Variants in UBAP1 observed in about 807,000 individuals in gnomAD.
UBAP1 encodes ubiquitin associated protein 1.
UBAP1 carries 5 observed loss-of-function variants against 39.0 expected under a neutral mutation model. The ratio of observed to expected loss-of-function variants is 0.13; its 90% confidence interval spans 0.07 to 0.27. The LOEUF (loss-of-function observed/expected upper bound fraction) is 0.27, where lower values mean the gene tolerates loss of function less well. Ranked by LOEUF, UBAP1 falls within the 10% of genes least tolerant of loss-of-function variation. The pLI, the probability that UBAP1 is intolerant of heterozygous loss-of-function variation, is 1.00. For missense variants in UBAP1, 490 were observed against 608.1 expected (o/e 0.81, Z 2.04); for synonymous variants, 211 against 225.1 (o/e 0.94, Z 0.56).
intron 1 of UBAP1, among the ~76,000 whole-genome samples, chr9:34,205,688 G>A (rs145689568): frequency 1.3e-5 from 2 of 152,138 alleles, no homozygotes; most frequent in African/African-American, 4.8e-5. Context: ...ATTAGCTGCA[G>A]ATCTTAAGAA....
chr9:34,216,215 AACTT>A (rs1832308265), intron 1 of UBAP1, among the ~76,000 whole-genome samples: 2 of 151,928 alleles, frequency 1.3e-5, no homozygotes, highest in South Asian at 2.1e-4. Flanking sequence ...TTTAAAAAAA[AACTT>A]ACTGAGGTGA....
intron 4 of UBAP1, 39 bp downstream of exon 4, chr9:34,242,147 C>G (rs749224725): frequency 2.6e-6 from 4 of 1,526,282 alleles, no homozygotes; most frequent in South Asian, 2.5e-5. Context: ...CCATATTTTC[C>G]TGATGACAGG....
At chr9:34,185,457 G>A (rs1830353958) in intron 1 of UBAP1, among the ~76,000 whole-genome samples, 1 of 152,190 alleles carries the variant, frequency 6.6e-6, no homozygotes, top group African/African-American at 2.4e-5. Context: ...GCTGAGGTAG[G>A]AGGATCACCT....
intron 3 of UBAP1, among the ~76,000 whole-genome samples, chr9:34,235,232 AAAAAG>A (rs1243764904): frequency 1.3e-5 from 2 of 152,214 alleles, no homozygotes; most frequent in Non-Finnish European, 2.9e-5. Context: ...TTATAAAGTT[AAAAAG>A]GCACAGTAAG....
intron 1 of UBAP1, among the ~76,000 whole-genome samples, chr9:34,216,642 A>AGT (rs1832335103): frequency 1.4e-5 from 1 of 70,186 alleles, no homozygotes. Flanking sequence ...CACCATGCTA[A>AGT]TTTTTTTTTT....
At chr9:34,206,973 TAATATCTG>T (rs1050093230) in intron 1 of UBAP1, among the ~76,000 whole-genome samples, 19 of 152,120 alleles carry the variant, frequency 1.2e-4, no homozygotes, top group African/African-American at 4.3e-4. Context: ...TCTAATATTT[TAATATCTG>T]ATAGGCTAGT....
At chr9:34,220,669 A>G (rs953617201) in intron 1 of UBAP1, among the ~76,000 whole-genome samples, 4 of 151,488 alleles carry the variant, frequency 2.6e-5, no homozygotes, top group African/African-American at 9.7e-5. Flanking sequence ...GGGTCTCACT[A>G]TGTTGCTGGT....
intron 1 of UBAP1, among the ~76,000 whole-genome samples, chr9:34,210,717 C>G: frequency 8.8e-6 from 1 of 113,304 alleles, no homozygotes; most frequent in East Asian, 3.0e-4. Context: ...GAGACTCCAT[C>G]TTTAAAAAAA....
Position 34,241,177 on chromosome 9 carries a change from C to T in UBAP1, c.160-8C>T. On this transcript the variant is annotated splice_polypyrimidine_tract_variant and splice_region_variant and intron_variant, in intron 3 of 6. Coordinates refer to ENST00000297661, the MANE Select transcript of UBAP1 (RefSeq NM_016525.5). ...TTCACACCCCCTTCCTCTGCTATATCTTTGCAGTATGACTTCTCTTTGGAA... is the reference window on the plus strand; with the variant it reads ...TTCACACCCCCTTCCTCTGCTATATTTTTGCAGTATGACTTCTCTTTGGAA... 6.9e-7 allele frequency: 1 copy of T among 1,459,060 alleles called. No individual in the cohort carries two copies. Among genetic ancestry groups the T allele is most frequent in the Non-Finnish European group, 9.1e-7 (1 of 1,104,600 alleles). The allele number at this position is 1,459,060 out of a possible 1,614,324, so 90.4% of individuals were successfully genotyped here.
chr9:34,181,654 G>C lies in UBAP1; in HGVS notation c.-8+2414G>C, dbSNP rs1433206659. On this transcript the variant is annotated intron_variant, in intron 1 of 6. Coordinates refer to ENST00000297661, the MANE Select transcript of UBAP1 (RefSeq NM_016525.5). ...TCACTGGGTTAGCCAGGATGGTCTC[G>C]ATCTCCTGACCTCGTGATCCGCCCG... Among the ~76,000 whole-genome samples the C allele has an allele frequency of 2.3e-5, 3 of 132,286 alleles. No homozygotes were observed. In the Admixed American group the frequency reaches 2.4e-4, roughly 11 times the overall value. The allele number at this position is 132,286 out of a possible 152,430, so 86.8% of individuals were successfully genotyped here.
intron 1 of UBAP1, among the ~76,000 whole-genome samples, chr9:34,197,164 G>A (rs933902144): frequency 2.0e-5 from 3 of 152,114 alleles, no homozygotes; most frequent in Admixed American, 1.3e-4. Flanking sequence ...TTGACCTTGT[G>A]ATCCGCTTGC....
intron 1 of UBAP1, among the ~76,000 whole-genome samples, chr9:34,181,099 C>T (rs570397357): frequency 2.5e-4 from 36 of 141,678 alleles, no homozygotes; most frequent in African/African-American, 8.9e-4. Context: ...CGTGAGCCAC[C>T]GCACCCGGCC....
At chr9:34,228,830 C>T (rs1457447460) in intron 2 of UBAP1, among the ~76,000 whole-genome samples, 1 of 151,844 alleles carries the variant, frequency 6.6e-6, no homozygotes, top group African/African-American at 2.4e-5. Flanking sequence ...ATCTATCCGC[C>T]TTGGCCTCCC....
intron 1 of UBAP1, among the ~76,000 whole-genome samples, chr9:34,181,197 C>A (rs1189256850): frequency 3.4e-5 from 5 of 145,854 alleles, no homozygotes; most frequent in African/African-American, 1.3e-4. Context: ...TCACTGCAAG[C>A]TCCGCCTCCC....
intron 3 of UBAP1, among the ~76,000 whole-genome samples, chr9:34,238,541 T>C (rs1833812727): frequency 6.6e-6 from 1 of 152,226 alleles, no homozygotes; most frequent in African/African-American, 2.4e-5. Context: ...GTTTTCATTA[T>C]ATACATTCTT....
chr9:34,223,949 C>A, intron 2 of UBAP1: 3 of 330,008 alleles, frequency 9.1e-6, no homozygotes, highest in Non-Finnish European at 1.2e-5. Context: ...AAACAATAAA[C>A]ACCTTCATTA....
At chr9:34,201,783 A>C (rs1362530371) in intron 1 of UBAP1, among the ~76,000 whole-genome samples, 1 of 152,110 alleles carries the variant, frequency 6.6e-6, no homozygotes, top group Non-Finnish European at 1.5e-5. Context: ...TTGAATGCGC[A>C]GTCTCCAAGA....
At chr9:34,205,765 G>A (rs566391657) in intron 1 of UBAP1, among the ~76,000 whole-genome samples, 1 of 152,262 alleles carries the variant, frequency 6.6e-6, no homozygotes, top group African/African-American at 2.4e-5. Context: ...AGGCTGAGGC[G>A]GGAGGATCAC....
intron 3 of UBAP1, among the ~76,000 whole-genome samples, chr9:34,240,869 A>G (rs550997078): frequency 1.4e-4 from 21 of 152,128 alleles, no homozygotes; most frequent in African/African-American, 4.8e-4. Context: ...GGCACCTTAC[A>G]GGTATTTCTT....
Sources: gnomAD v4.1 joint callset for allele counts (sites outside exome capture counted in the v4.1 genomes callset) on GRCh38, gnomAD v4.1.1 for gene constraint, MANE v1.5 for transcripts, NCBI Gene and HGNC (gene_info 2026-07-23, HGNC 2026-07-21) for gene names.